Variants in DHX8 observed in about 807,000 individuals in gnomAD.
DHX8 encodes the protein DEAH-box helicase 8.
In DHX8, 67 loss-of-function variants were observed where a neutral mutation model predicts 140.7. That is an observed-to-expected ratio of 0.48 (90% confidence interval 0.39 to 0.58). The LOEUF (loss-of-function observed/expected upper bound fraction) is 0.58. DHX8 is among the 20% of genes least tolerant of loss of function. The probability of loss-of-function intolerance (pLI) is 0.00; values close to 1 mark genes in which losing one functional copy is unlikely to be tolerated. For missense variants in DHX8, 887 were observed against 1,550.7 expected (o/e 0.57, Z 7.19); for synonymous variants, 533 against 553.2 (o/e 0.96, Z 0.51).
intron 8 of DHX8, 39 bp downstream of exon 8, chr17:43,493,925 G>C: frequency 6.2e-7 from 1 of 1,602,134 alleles, no homozygotes; most frequent in Non-Finnish European, 8.5e-7. Flanking sequence ...TAGTCATTCA[G>C]CATGTAGCAT....
Position 43,483,991 on chromosome 17 carries a change from C to T in DHX8, c.-47C>T, listed in dbSNP as rs772492529. On this transcript the variant is annotated 5_prime_UTR_variant, in exon 1 of 23. Coordinates refer to ENST00000262415, the MANE Select transcript of DHX8 (RefSeq NM_004941.3). ...GAAAGCTGGAACCCGGCCGGAGTAG[C>T]TCTGAGCGCCGGCTGTGAGGAAGGA... The T allele has an allele frequency of 1.2e-6, 2 of 1,610,150 alleles. No individual in the cohort carries two copies. Among genetic ancestry groups the T allele is most frequent in the South Asian group, 1.1e-5 (1 of 90,766 alleles).
chr17:43,526,460 C>G, downstream of DHX8: 5 of 1,535,166 alleles, frequency 3.3e-6, no homozygotes, highest in Non-Finnish European at 4.4e-6. Context: ...TTCATCCCGC[C>G]TGGACGTGAT....
chr17:43,515,899 C>G (rs1970090988), intron 17 of DHX8, among the ~76,000 whole-genome samples: 1 of 152,082 alleles, frequency 6.6e-6, no homozygotes, highest in Non-Finnish European at 1.5e-5. Context: ...TTTGTAACAA[C>G]AGATGGTTTT....
At chr17:43,506,351 G>T (rs923654482) in intron 12 of DHX8, among the ~76,000 whole-genome samples, 1 of 151,182 alleles carries the variant, frequency 6.6e-6, no homozygotes, top group African/African-American at 2.4e-5. Context: ...AGGCACAGTG[G>T]CTCACACCTG....
intron 16 of DHX8, among the ~76,000 whole-genome samples, chr17:43,510,241 T>G (rs1001521802): frequency 7.9e-5 from 12 of 151,842 alleles, no homozygotes; most frequent in African/African-American, 2.7e-4. Flanking sequence ...AGAGACAGGG[T>G]TTCTCCATTC....
intron 2 of DHX8, chr17:43,533,255 T>C (rs764396758): frequency 6.2e-7 from 1 of 1,613,834 alleles, no homozygotes; most frequent in South Asian, 1.1e-5. Context: ...GGAAATTCCG[T>C]TGCTCTGCCC....
In DHX8 at chr17:43,508,461, G is replaced by T; in HGVS notation, c.2443G>T (p.Ala815Ser). 1.2e-6 allele frequency: 2 copies of T among 1,613,830 alleles called. No homozygotes were observed. Among genetic ancestry groups the T allele is most frequent in the Non-Finnish European group, 1.7e-6 (2 of 1,179,862 alleles). The stretch of plus-strand genomic sequence containing the variant: ...GTTAATTATCCTCCCAGTGTACTCT[G>T]CTCTTCCCAGTGAGATGCAGACCCG... ...PELIILPVYSALPSEMQTRIF... is the reference protein window; with the variant it reads ...PELIILPVYSSLPSEMQTRIF... Residue 815 changes from alanine (A) to serine (S), a missense_variant, in exon 16 of 23, where the codon GCT becomes TCT. Around this residue, in one of 9 missense-constraint regions of DHX8, gnomAD observed 151 missense variants for 388.3 expected, o/e 0.39. Transcript: ENST00000262415.
downstream of DHX8, chr17:43,528,749 G>A (rs1232481546): frequency 6.2e-7 from 1 of 1,612,914 alleles, no homozygotes; most frequent in Non-Finnish European, 8.5e-7. Context: ...GCCACCTATG[G>A]GGAGAGAGAA....
At chr17:43,488,922 C>T (rs1216620170) in intron 1 of DHX8, among the ~76,000 whole-genome samples, 2 of 152,178 alleles carry the variant, frequency 1.3e-5, no homozygotes, top group Non-Finnish European at 1.5e-5. Flanking sequence ...GTAGTAATAT[C>T]TTCCTTTCAT....
chr17:43,517,486 G>C (rs1420448853), intron 18 of DHX8, 164 bp downstream of exon 18: 1 of 763,654 alleles, frequency 1.3e-6, no homozygotes, highest in African/African-American at 1.8e-5. Context: ...TCTCACGGCA[G>C]GTCTGGGGCT....
chr17:43,509,737 C>T (rs1207299549), intron 16 of DHX8, among the ~76,000 whole-genome samples: 6 of 151,610 alleles, frequency 4.0e-5, no homozygotes, highest in Admixed American at 1.3e-4. Flanking sequence ...GGCACAATCT[C>T]GGCTCACTGC....
At chr17:43,489,594 TTTG>T in intron 2 of DHX8, 60 bp downstream of exon 2, 17 of 1,330,366 alleles carry the variant, frequency 1.3e-5, no homozygotes, top group Middle Eastern at 2.1e-4. Flanking sequence ...TGTTTGTTTG[TTTG>T]TTTTTTTTTT....
Position 43,492,731 on chromosome 17 carries a change from A to G in DHX8, c.554A>G (p.Asp185Gly), listed in dbSNP as rs1968602006. The G allele has an allele frequency of 6.2e-7, 1 of 1,613,310 alleles. No homozygotes were observed. The highest frequency in any genetic ancestry group is 8.5e-7 in the Non-Finnish European group (1 of 1,179,230). The change falls in exon 6 of 23, where the codon GAT becomes GGT. Residue 185 changes from aspartate (D) to glycine (G), a missense_variant. Transcript: ENST00000262415. ...KRSRSRDRNR[D>G]RDRDRERNRD... ...AGTCGAAGCCGAGATCGAAACCGAG[A>G]TCGAGACAGAGATAGGGAACGAAAC... is the stretch of plus-strand genomic sequence containing the variant.
Position 43,508,464 on chromosome 17 carries a change from CT to C in DHX8, c.2448del (p.Ser818ValfsTer19). ...ELIILPVYSA[L>X]PSEMQTRIFD... Reference sequence around the variant, plus strand: ...AATTATCCTCCCAGTGTACTCTGCTCTTCCCAGTGAGATGCAGACCCGAATC... The same window carrying C: ...AATTATCCTCCCAGTGTACTCTGCTCTCCCAGTGAGATGCAGACCCGAATC... On this transcript the variant is annotated frameshift_variant, in exon 16 of 23. Coordinates refer to ENST00000262415, the MANE Select transcript of DHX8 (RefSeq NM_004941.3). LOFTEE classifies it high-confidence loss of function. 6.2e-7 allele frequency: 1 copy of C among 1,613,866 alleles called. No individual in the cohort carries two copies. Among genetic ancestry groups the C allele is most frequent in the Non-Finnish European group, 8.5e-7 (1 of 1,179,866 alleles).
At position 43,513,352 on chromosome 17, in the gene DHX8, T is replaced by C. The variant is rs373546808; in HGVS notation, c.2503-10T>C. On this transcript the variant is annotated splice_polypyrimidine_tract_variant and intron_variant, in intron 16 of 22. Transcript: ENST00000262415. The stretch of plus-strand genomic sequence containing the variant: ...GCACCTCACTCCAGCTTTGCCCCTC[T>C]TGCCTGCAGGTTGTGATTGCCACCA... The C allele has an allele frequency of 1.7e-5, 28 of 1,611,990 alleles. No individual in the cohort carries two copies. The highest frequency in any genetic ancestry group is 3.3e-5 in the Admixed American group (2 of 59,752).
intron 2 of DHX8, among the ~76,000 whole-genome samples, chr17:43,489,838 C>T (rs145583069): frequency 2.4e-4 from 36 of 152,246 alleles, no homozygotes; most frequent in African/African-American, 8.7e-4. Context: ...GATCCACCCG[C>T]CTCGGCCTTC....
chr17:43,503,644 C>G (rs1969335992), intron 11 of DHX8, among the ~76,000 whole-genome samples: 1 of 152,002 alleles, frequency 6.6e-6, no homozygotes, highest in South Asian at 2.1e-4. Context: ...GCCTGCTGGG[C>G]GTCTGAGCCA....
At chr17:43,488,050 C>G (rs1968276481) in intron 1 of DHX8, among the ~76,000 whole-genome samples, 1 of 151,738 alleles carries the variant, frequency 6.6e-6, no homozygotes, top group Non-Finnish European at 1.5e-5. Flanking sequence ...GAGGCCGAGG[C>G]AGGCAAATCA....
intron 18 of DHX8, 115 bp downstream of exon 18, chr17:43,517,437 G>A (rs931178676): frequency 1.6e-6 from 2 of 1,221,560 alleles, no homozygotes; most frequent in African/African-American, 3.1e-5. Context: ...CATGAAAGCA[G>A]TCCCTTTGAG....
Sources: allele counts gnomAD v4.1 joint callset (sites outside exome capture counted in the v4.1 genomes callset), GRCh38; gene constraint gnomAD v4.1.1; regional missense constraint gnomAD v4.1.1; transcripts MANE v1.5; gene names NCBI Gene and HGNC (gene_info 2026-07-23, HGNC 2026-07-21).